Variants in NAV2 observed in about 807,000 individuals in gnomAD.
NAV2 encodes helicase, APC down-regulated 1.
In NAV2, 54 loss-of-function variants were observed where a neutral mutation model predicts 223.2. The ratio of observed to expected loss-of-function variants is 0.24; its 90% CI spans 0.19 to 0.30. The LOEUF is 0.30. Ranked by LOEUF, NAV2 falls within the 10% of genes least tolerant of loss-of-function variation. NAV2 has a pLI of 1.00. For synonymous variants in NAV2, 1,279 were observed against 1,239.3 expected (o/e 1.03, Z -0.67); for missense variants, 2,806 against 3,147.5 (o/e 0.89, Z 2.60).
Position 20,062,376 on chromosome 11 carries a change from G to T in NAV2, c.4884+17G>T, listed in dbSNP as rs1392175669. 6.3e-7 allele frequency: 1 copy of T among 1,589,570 alleles called. No individual in the cohort carries two copies. Among genetic ancestry groups the T allele is most frequent in the Admixed American group, 1.7e-5 (1 of 57,554 alleles). On this transcript the variant is annotated intron_variant, in intron 20 of 37. Coordinates refer to ENST00000349880, the MANE Select transcript of NAV2 (RefSeq NM_145117.5). ...TATTCTACAGTGAGTATAAATCAAT[G>T]CTGTGTGGCTGTGATCATGAGAACT...
At chr11:19,996,927 G>A (rs1013262837) in intron 11 of NAV2, among the ~76,000 whole-genome samples, 2 of 152,208 alleles carry the variant, frequency 1.3e-5, no homozygotes, top group African/African-American at 4.8e-5. Context: ...GCATGGCTCA[G>A]TGGGCTCAAA....
chr11:20,007,200 G>A (rs778633450), intron 11 of NAV2, among the ~76,000 whole-genome samples: 2 of 152,086 alleles, frequency 1.3e-5, no homozygotes, highest in Non-Finnish European at 2.9e-5. Flanking sequence ...CCACGGCTTT[G>A]GCCCCTCAAA....
chr11:19,817,190 C>A (rs962902185), intron 1 of NAV2, among the ~76,000 whole-genome samples: 1 of 152,126 alleles, frequency 6.6e-6, no homozygotes, highest in Non-Finnish European at 1.5e-5. Flanking sequence ...CACTCACCTG[C>A]CCTGGTCTGA....
intron 1 of NAV2, among the ~76,000 whole-genome samples, chr11:19,493,389 C>T (rs539826402): frequency 5.9e-5 from 9 of 152,202 alleles, no homozygotes; most frequent in Non-Finnish European, 1.2e-4. Context: ...GAGAGAGACA[C>T]GCCAATAGCT....
At chr11:19,806,455 G>A (rs934596816) in intron 1 of NAV2, among the ~76,000 whole-genome samples, 1 of 152,186 alleles carries the variant, frequency 6.6e-6, no homozygotes, top group Non-Finnish European at 1.5e-5. Flanking sequence ...ATCAGGCCTG[G>A]GGCCAGGGAG....
intron 35 of NAV2, 136 bp downstream of exon 35, chr11:20,105,863 G>T: frequency 1.4e-6 from 1 of 709,622 alleles, no homozygotes; most frequent in East Asian, 2.7e-5. Context: ...GTGGGGCAGA[G>T]GGACAGTCAC....
At chr11:19,804,013 G>A (rs1790948543) in intron 1 of NAV2, among the ~76,000 whole-genome samples, 1 of 152,134 alleles carries the variant, frequency 6.6e-6, no homozygotes, top group African/African-American at 2.4e-5. Flanking sequence ...GGTGATCTGT[G>A]GCCAATTTGC....
At chr11:19,883,654 A>G (rs1402538392) in intron 5 of NAV2, among the ~76,000 whole-genome samples, 1 of 152,254 alleles carries the variant, frequency 6.6e-6, no homozygotes, top group Non-Finnish European at 1.5e-5. Flanking sequence ...TGGATGCAAG[A>G]AAGATAAATA....
intron 4 of NAV2, among the ~76,000 whole-genome samples, chr11:19,873,249 C>T (rs2062635726): frequency 6.6e-6 from 1 of 152,078 alleles, no homozygotes; most frequent in African/African-American, 2.4e-5. Context: ...ACCTTGATTC[C>T]AGTTAATAAG....
intron 14 of NAV2, 25 bp from the exon 15 acceptor site, chr11:20,048,703 T>C (rs1352858260): frequency 6.2e-7 from 1 of 1,604,648 alleles, no homozygotes; most frequent in Admixed American, 1.7e-5. Flanking sequence ...GTGTTCAACC[T>C]ACACAACCCT....
intron 3 of NAV2, among the ~76,000 whole-genome samples, chr11:19,856,789 A>AT (rs1369705645): frequency 2.0e-5 from 3 of 152,220 alleles, no homozygotes; most frequent in Non-Finnish European, 2.9e-5. Flanking sequence ...GTCCTGCAGG[A>AT]TTCTGAATTG....
chr11:19,548,742 G>A (rs575430241), intron 1 of NAV2, among the ~76,000 whole-genome samples: 1 of 151,794 alleles, frequency 6.6e-6, no homozygotes, highest in Non-Finnish European at 1.5e-5. Flanking sequence ...GCCAGGCTTG[G>A]TGGCAGGTGC....
intron 1 of NAV2, among the ~76,000 whole-genome samples, chr11:19,468,463 T>C (rs1022819178): frequency 5.9e-5 from 9 of 152,144 alleles, no homozygotes; most frequent in Admixed American, 1.3e-4. Flanking sequence ...ATCACTCTGA[T>C]CTCTGCCTCC....
intron 1 of NAV2, among the ~76,000 whole-genome samples, chr11:19,636,005 G>T (rs1312631177): frequency 6.6e-6 from 1 of 152,210 alleles, no homozygotes; most frequent in Non-Finnish European, 1.5e-5. Context: ...TTAGGTCCAT[G>T]TCTAGTTCAA....
At chr11:19,581,289 T>C (rs948182346) in intron 1 of NAV2, among the ~76,000 whole-genome samples, 1 of 152,234 alleles carries the variant, frequency 6.6e-6, no homozygotes, top group Non-Finnish European at 1.5e-5. Context: ...CAATCTCCTC[T>C]TTAACGATTA....
rs2063402013 is a variant in NAV2 at position 20,120,201 on chromosome 11, A to G, written c.*1943A>G. On this transcript the variant is annotated 3_prime_UTR_variant, in exon 38 of 38. Transcript: ENST00000349880. ...TTTGACCCGAAACTGCTCACTTCAC[A>G]TTGGATGACACCATGTTCTTCCTCT... 1 of 152,064 alleles carries G rather than the reference A, an allele frequency of 6.6e-6. No individual in the cohort carries two copies. The highest frequency in any genetic ancestry group is 2.1e-4 in the South Asian group (1 of 4,822). The allele number at this position is 152,064 out of a possible 1,614,324, so 9.4% of individuals were successfully genotyped here.
chr11:19,652,694 C>A (rs1376632204), intron 1 of NAV2, among the ~76,000 whole-genome samples: 1 of 152,180 alleles, frequency 6.6e-6, no homozygotes, highest in Non-Finnish European at 1.5e-5. Flanking sequence ...TTCCCCACTG[C>A]CCAGAGGCTG....
chr11:19,940,253 C>G (rs1008120435), intron 8 of NAV2, among the ~76,000 whole-genome samples: 1 of 144,856 alleles, frequency 6.9e-6, no homozygotes, highest in Admixed American at 6.9e-5. Flanking sequence ...TTACCAGAAA[C>G]AAAAAAAAAA....
intron 14 of NAV2, 49 bp from the exon 15 acceptor site, chr11:20,048,679 C>A: frequency 6.0e-6 from 9 of 1,504,968 alleles, no homozygotes; most frequent in Non-Finnish European, 8.3e-6. Flanking sequence ...CAGTCCGGTG[C>A]CCCTTGGCAC....
Sources: allele counts gnomAD v4.1 joint callset (sites outside exome capture counted in the v4.1 genomes callset), GRCh38; gene constraint gnomAD v4.1.1; transcripts MANE v1.5; gene names NCBI Gene and HGNC (gene_info 2026-07-23, HGNC 2026-07-21).